GALNTL6: variants seen among roughly 807,000 people sequenced by gnomAD.
GALNTL6 encodes the protein polypeptide N-acetylgalactosaminyltransferase-like 6.
GALNTL6 carries 46 observed loss-of-function variants against 73.7 expected under a neutral mutation model. The ratio of observed to expected loss-of-function variants is 0.62; its 90% CI spans 0.49 to 0.80. The LOEUF is 0.80. GALNTL6 is among the 30% of genes least tolerant of loss of function. The pLI is 0.00. For synonymous variants in GALNTL6, 259 were observed against 263.7 expected, an observed-to-expected ratio of 0.98 and a Z score of 0.17; for missense variants, 604 against 755.0, an observed-to-expected ratio of 0.80 and a Z score of 2.34.
intron 2 of GALNTL6, among the ~76,000 whole-genome samples, chr4:172,202,887 TTTAA>T (rs1383799860): frequency 6.6e-6 from 1 of 152,192 alleles, no homozygotes; most frequent in Non-Finnish European, 1.5e-5. Flanking sequence ...TGAAAAACAT[TTTAA>T]TTGAGTTTTG....
chr4:172,230,558 C>G (rs1737025041), intron 3 of GALNTL6, among the ~76,000 whole-genome samples: 1 of 120,954 alleles, frequency 8.3e-6, no homozygotes, highest in South Asian at 2.4e-4. Flanking sequence ...TCCAGCCGGG[C>G]GATAGAGTGA....
rs1731499922 is a variant in GALNTL6, at chr4:172,069,837, G to A, written c.139-159819G>A. Reference sequence around the variant, plus strand: ...TGGGTGCCAGAATCTGATATGGACAGACAAGAAAACACACCTGCTTTCCTA... The same window carrying A: ...TGGGTGCCAGAATCTGATATGGACAAACAAGAAAACACACCTGCTTTCCTA... On this transcript the variant is annotated intron_variant, in intron 2 of 12. Transcript: ENST00000506823. Among the ~76,000 whole-genome samples, 2 of 106,338 alleles carry A rather than the reference G, an allele frequency of 1.9e-5. 1 individual carries two copies. The highest frequency in any genetic ancestry group is 4.1e-5 in the Non-Finnish European group (2 of 48,736). 69.8% of individuals were successfully genotyped at this position (106,338 alleles called of 152,430 possible). A position where few individuals can be genotyped will look rare whatever the true frequency, so the allele number is the denominator to read the frequency against.
intron 7 of GALNTL6, among the ~76,000 whole-genome samples, chr4:172,870,052 G>GTCATCATCATCATCA (rs55936018): frequency 7.0e-6 from 1 of 143,056 alleles, no homozygotes; most frequent in Admixed American, 7.1e-5. Flanking sequence ...GACCTTTACT[G>GTCATCATCATCATCA]TCATCATCAT....
chr4:172,716,256 C>G (rs1437857), intron 5 of GALNTL6, among the ~76,000 whole-genome samples: 146,388 of 152,246 alleles, frequency 0.96, 70,636 homozygotes, highest in East Asian at 1. Context: ...TGTCCATAGT[C>G]CCTGGGCTAA....
intron 2 of GALNTL6, among the ~76,000 whole-genome samples, chr4:171,847,899 C>A (rs140631333): frequency 1.1e-3 from 173 of 152,248 alleles, no homozygotes; most frequent in Non-Finnish European, 2.2e-3. Flanking sequence ...TTCCTCCAAA[C>A]TCCTATTAAT....
At chr4:172,030,577 G>A (rs903862964) in intron 2 of GALNTL6, among the ~76,000 whole-genome samples, 2 of 151,814 alleles carry the variant, frequency 1.3e-5, no homozygotes, top group African/African-American at 4.8e-5. Context: ...AGGTGTGGTG[G>A]TGCACATCTG....
chr4:172,091,050 A>G (rs1008043782), intron 2 of GALNTL6, among the ~76,000 whole-genome samples: 4 of 152,100 alleles, frequency 2.6e-5, no homozygotes, highest in African/African-American at 7.2e-5. Context: ...CCATTGGTCT[A>G]TATATCTATT....
intron 5 of GALNTL6, among the ~76,000 whole-genome samples, chr4:172,471,043 A>G (rs1733026649): frequency 6.6e-6 from 1 of 152,196 alleles, no homozygotes; most frequent in African/African-American, 2.4e-5. Context: ...GCAGCTGGTA[A>G]ACAACTATAG....
At chr4:172,110,247 T>C (rs1732814854) in intron 2 of GALNTL6, among the ~76,000 whole-genome samples, 1 of 152,224 alleles carries the variant, frequency 6.6e-6, no homozygotes, top group Non-Finnish European at 1.5e-5. Flanking sequence ...TTAGATTATC[T>C]TTTCTCTTTT....
chr4:172,714,112 G>T (rs1660541910), intron 5 of GALNTL6, among the ~76,000 whole-genome samples: 1 of 152,262 alleles, frequency 6.6e-6, no homozygotes, highest in African/African-American at 2.4e-5. Flanking sequence ...CTGGTCCCCA[G>T]GAAATAAGAG....
chr4:172,398,978 A>C (rs962262160), intron 5 of GALNTL6, among the ~76,000 whole-genome samples: 5 of 152,142 alleles, frequency 3.3e-5, no homozygotes, highest in African/African-American at 1.2e-4. Flanking sequence ...ACACAAAAAA[A>C]ATCAACCTTT....
chr4:171,911,907 A>T (rs570871795), intron 2 of GALNTL6, among the ~76,000 whole-genome samples: 5 of 152,302 alleles, frequency 3.3e-5, no homozygotes, highest in African/African-American at 1.2e-4. Flanking sequence ...ACATCCATAC[A>T]TTTTTAATTA....
At chr4:172,993,411 A>AT in intron 10 of GALNTL6, among the ~76,000 whole-genome samples, 1 of 152,364 alleles carries the variant, frequency 6.6e-6, no homozygotes, top group African/African-American at 2.4e-5. Flanking sequence ...AATCTGTGGT[A>AT]TTTTGTTATA....
At position 171,939,889 on chromosome 4, in the gene GALNTL6, G is replaced by T. The variant is rs529483696; in HGVS notation, c.138+125171G>T. Reference sequence around the variant, plus strand: ...GAAACAATAAACAGACAAAAGTGATGATATACTCACTAGTAACAAGATGAA... The same window carrying T: ...GAAACAATAAACAGACAAAAGTGATTATATACTCACTAGTAACAAGATGAA... On this transcript the variant is annotated intron_variant, in intron 2 of 12. Transcript: ENST00000506823. Among the ~76,000 whole-genome samples the T allele has an allele frequency of 2.3e-3, 345 of 152,154 alleles. 2 individuals carry two copies. The highest frequency in any genetic ancestry group is 3.0e-3 in the Non-Finnish European group (204 of 67,970).
At chr4:172,319,856 G>A (rs1185446393) in intron 4 of GALNTL6, among the ~76,000 whole-genome samples, 1 of 152,128 alleles carries the variant, frequency 6.6e-6, no homozygotes. Context: ...AATAGAAAGG[G>A]AAGAAACATC....
chr4:172,910,098 T>C (rs976621838), intron 8 of GALNTL6, among the ~76,000 whole-genome samples: 10 of 151,984 alleles, frequency 6.6e-5, no homozygotes, highest in African/African-American at 2.4e-4. Flanking sequence ...AATTTATATA[T>C]AAAACATATA....
intron 2 of GALNTL6, among the ~76,000 whole-genome samples, chr4:171,848,113 G>C (rs1735422195): frequency 1.3e-5 from 2 of 152,186 alleles, no homozygotes; most frequent in Middle Eastern, 3.2e-3. Flanking sequence ...CTGCAGAATA[G>C]ATGTTGCACT....
At chr4:172,779,313 C>T (rs751240369) in intron 5 of GALNTL6, among the ~76,000 whole-genome samples, 11 of 152,130 alleles carry the variant, frequency 7.2e-5, no homozygotes, top group Admixed American at 2.6e-4. Flanking sequence ...CTTCAGAGAG[C>T]AGAAACTCTT....
chr4:172,830,242 T>C (rs893111201), intron 7 of GALNTL6, among the ~76,000 whole-genome samples: 28 of 152,164 alleles, frequency 1.8e-4, no homozygotes, highest in African/African-American at 6.5e-4. Flanking sequence ...GGCCAAACTT[T>C]ACAGTTTGAA....
Sources: allele counts gnomAD v4.1 joint callset (sites outside exome capture counted in the v4.1 genomes callset), GRCh38; gene constraint gnomAD v4.1.1; transcripts MANE v1.5; gene names NCBI Gene and HGNC (gene_info 2026-07-23, HGNC 2026-07-21).